DPP9: variants seen among roughly 807,000 people sequenced by gnomAD.
The protein encoded by DPP9 is dipeptidyl peptidase IV-related protein-2.
DPP9 carries 50 observed loss-of-function variants against 110.7 expected under a neutral mutation model. The observed-to-expected ratio is 0.45, with a 90% CI of 0.36 to 0.57. The LOEUF (loss-of-function observed/expected upper bound fraction) is 0.57. Among genes scored for constraint, DPP9 ranks in the 20% least tolerant of loss-of-function variants. The pLI is 0.00. For missense variants in DPP9, 1,022 were observed against 1,217.9 expected, an observed-to-expected ratio of 0.84 and a Z score of 2.39; for synonymous variants, 561 against 514.4, an observed-to-expected ratio of 1.09 and a Z score of -1.23.
Position 4,694,230 on chromosome 19 carries a change from CAGTAA to C in DPP9, c.1516+426_1516+430del. ...GCAAATGTTTCTACAAAGGGCTAGA[CAGTAA>C]ATCTTGGCCTTGCACAACAGTTTCT... On this transcript the variant is annotated intron_variant, in intron 13 of 21. Coordinates refer to ENST00000262960, the MANE Select transcript of DPP9 (RefSeq NM_139159.5). The surrounding 1 kb of genome is among the most constrained non-coding windows in gnomAD (Gnocchi z 4.0). The C allele has an allele frequency of 3.7e-6, 1 of 269,198 alleles. No individual in the cohort carries two copies. The highest frequency in any genetic ancestry group is 7.0e-6 in the Non-Finnish European group (1 of 143,854). The allele number at this position is 269,198 out of a possible 1,614,324, so 16.7% of individuals were successfully genotyped here. A position where few individuals can be genotyped will look rare whatever the true frequency, so the allele number is the denominator to read the frequency against.
At chr19:4,686,123 CT>C (rs34146833) in intron 16 of DPP9, among the ~76,000 whole-genome samples, 48 of 145,102 alleles carry the variant, frequency 3.3e-4, no homozygotes, top group African/African-American at 2.5e-4. Flanking sequence ...TCTTTTTCTT[CT>C]TTTTTTTTTT....
intron 3 of DPP9, among the ~76,000 whole-genome samples, chr19:4,715,187 T>C (rs901202414): frequency 6.6e-6 from 1 of 151,846 alleles, no homozygotes; most frequent in African/African-American, 2.4e-5. Context: ...GCCCAACTAA[T>C]GTTTTTTGTA....
chr19:4,695,456 C>A lies in DPP9; in HGVS notation c.1275G>T (p.Arg425=). The change falls in exon 12 of 22, where the codon CGG becomes CGT. Residue 425 remains arginine (R), a synonymous_variant. Coordinates refer to ENST00000262960, the MANE Select transcript of DPP9 (RefSeq NM_139159.5). The surrounding 1 kb of genome is among the most constrained non-coding windows in gnomAD (Gnocchi z 4.7). The part of the protein sequence containing the change: ...FIPSTENEEQ[R]LASARAVPRN... The stretch of plus-strand genomic sequence containing the variant: ...TGGGGACAGCTCTGGCAGAGGCTAG[C>A]CGCTGCTCCTCATTCTCTGTGCTCG... The A allele has an allele frequency of 6.3e-7, 1 of 1,588,542 alleles. No homozygotes were observed.
At chr19:4,681,216 A>G (rs1378784495) in intron 20 of DPP9, among the ~76,000 whole-genome samples, 2 of 152,194 alleles carry the variant, frequency 1.3e-5, no homozygotes, top group Non-Finnish European at 2.9e-5. Context: ...AAGGAATGGG[A>G]ACAGGGTTTG....
At chr19:4,722,014 G>A (rs549442694) in intron 2 of DPP9, among the ~76,000 whole-genome samples, 20 of 152,274 alleles carry the variant, frequency 1.3e-4, no homozygotes, top group South Asian at 4.1e-4. Context: ...CAGTATCTAC[G>A]CCTGGGGCCA....
intron 3 of DPP9, among the ~76,000 whole-genome samples, chr19:4,717,318 A>G (rs2093126680): frequency 6.6e-6 from 1 of 152,174 alleles, no homozygotes; most frequent in Non-Finnish European, 1.5e-5. Flanking sequence ...GTGGGGAGCC[A>G]CAAGCAGCGT....
Position 4,684,385 on chromosome 19 carries a change from A to C in DPP9, c.2178+278T>G. The C allele has an allele frequency of 4.4e-6, 2 of 457,168 alleles. No homozygotes were observed. The highest frequency in any genetic ancestry group is 2.7e-5 in the South Asian group (1 of 36,458). The allele number at this position is 457,168 out of a possible 1,614,324, so 28.3% of individuals were successfully genotyped here. On this transcript the variant is annotated intron_variant, in intron 18 of 21. Coordinates refer to ENST00000262960, the MANE Select transcript of DPP9 (RefSeq NM_139159.5). The surrounding 1 kb of genome is among the most constrained non-coding windows in gnomAD (Gnocchi z 4.8). Reference sequence around the variant, plus strand: ...CCAGGCTGTGGGGTTTTGTTCCAGCAGTGCAAAGGGGCCGAGATGATCGCC... The same window carrying C: ...CCAGGCTGTGGGGTTTTGTTCCAGCCGTGCAAAGGGGCCGAGATGATCGCC...
intron 5 of DPP9, among the ~76,000 whole-genome samples, chr19:4,705,030 C>G (rs918919691): frequency 1.3e-5 from 2 of 151,950 alleles, no homozygotes; most frequent in Non-Finnish European, 2.9e-5. Context: ...GCAAAATTAC[C>G]CCTACACTCT....
rs2092485866 is a variant in DPP9 at position 4,704,716 on chromosome 19, C to A, written c.427-412G>T. Among the ~76,000 whole-genome samples the A allele has an allele frequency of 6.6e-6, 1 of 152,202 alleles. No individual in the cohort carries two copies. Among genetic ancestry groups the A allele is most frequent in the African/African-American group, 2.4e-5 (1 of 41,438 alleles). On this transcript the variant is annotated intron_variant, in intron 5 of 21. Transcript: ENST00000262960. This position sits in a 1 kb window ranked among gnomAD's most constrained non-coding sequence, Gnocchi z 6.0. Reference sequence around the variant, plus strand: ...CCCACCCTCCTACCCTATTCACAATCCCTTCCCATCAAGAGCTTTCAATTT... The same window carrying A: ...CCCACCCTCCTACCCTATTCACAATACCTTCCCATCAAGAGCTTTCAATTT...
rs2092449727 is a variant in DPP9 at position 4,704,091 on chromosome 19, C to A, written c.601-37G>T. The A allele has an allele frequency of 4.3e-6, 7 of 1,613,424 alleles. No individual in the cohort carries two copies. Among genetic ancestry groups the A allele is most frequent in the Non-Finnish European group, 5.9e-6 (7 of 1,179,624 alleles). On this transcript the variant is annotated intron_variant, in intron 6 of 21. Transcript: ENST00000262960. This position sits in a 1 kb window ranked among gnomAD's most constrained non-coding sequence, Gnocchi z 6.0. ...GACGCCCAGCTCAGGGGGAGGGGCC[C>A]TCCACGCCACCCCCGCACACAGCCA...
intron 7 of DPP9, among the ~76,000 whole-genome samples, chr19:4,703,319 G>A (rs1323005196): frequency 1.3e-5 from 2 of 152,108 alleles, no homozygotes; most frequent in South Asian, 2.1e-4. Context: ...CTGGGCTGAC[G>A]CCTGCAGCAG....
At chr19:4,688,688 T>C (rs1239404952) in intron 16 of DPP9, 69 bp downstream of exon 16, 2 of 1,356,984 alleles carry the variant, frequency 1.5e-6, no homozygotes, top group African/African-American at 1.5e-5. Context: ...TTCCCCAGCA[T>C]GGGGCCCTCG....
chr19:4,711,054 G>T (rs769276918), intron 4 of DPP9, among the ~76,000 whole-genome samples: 16 of 152,182 alleles, frequency 1.1e-4, no homozygotes, highest in Non-Finnish European at 1.6e-4. Flanking sequence ...TCTGCTGGTG[G>T]CTAGAACCTG....
chr19:4,683,221 C>T, intron 19 of DPP9: 1 of 1,429,372 alleles, frequency 7.0e-7, no homozygotes, highest in Non-Finnish European at 9.1e-7. Context: ...GTCCCGGGCT[C>T]AGCCTCCCAC....
chr19:4,714,479 G>A (rs2145915646), intron 3 of DPP9, 142 bp from the exon 4 acceptor site: 3 of 1,123,124 alleles, frequency 2.7e-6, no homozygotes, highest in Non-Finnish European at 3.7e-6. Context: ...ACACTTCTTG[G>A]GTTGGTCTAC....
chr19:4,709,121 T>G (rs960251975), intron 4 of DPP9, among the ~76,000 whole-genome samples: 1 of 152,112 alleles, frequency 6.6e-6, no homozygotes, highest in Admixed American at 6.6e-5. Flanking sequence ...GGTTTCACTA[T>G]GTTAGCCAGA....
chr19:4,688,596 G>T, intron 16 of DPP9, 161 bp downstream of exon 16: 1 of 935,822 alleles, frequency 1.1e-6, no homozygotes, highest in Non-Finnish European at 1.4e-6. Flanking sequence ...TGTGGCTTAT[G>T]TCCTATGACG....
chr19:4,680,908 G>A (rs190518936), intron 20 of DPP9, among the ~76,000 whole-genome samples: 126 of 152,274 alleles, frequency 8.3e-4, no homozygotes, highest in African/African-American at 3.0e-3. Context: ...AGTGAGCTGA[G>A]ATTAAGCCAC....
chr19:4,693,072 G>C lies in DPP9; in HGVS notation c.1516+1589C>G, dbSNP rs1339751095. 6.6e-6 allele frequency among the ~76,000 whole-genome samples: 1 copy of C among 152,180 alleles called. No individual in the cohort carries two copies. The highest frequency in any genetic ancestry group is 2.1e-4 in the South Asian group (1 of 4,832). The stretch of plus-strand genomic sequence containing the variant: ...GGGGGACGCCTTGGCTGCTGTGTGG[G>C]CTCTGCCCCCAGAGGGCACCGGACC... On this transcript the variant is annotated intron_variant, in intron 13 of 21. Coordinates refer to ENST00000262960, the MANE Select transcript of DPP9 (RefSeq NM_139159.5). This position sits in a 1 kb window ranked among gnomAD's most constrained non-coding sequence, Gnocchi z 5.0.
Sources: gnomAD v4.1 joint callset for allele counts (sites outside exome capture counted in the v4.1 genomes callset) on GRCh38, gnomAD v4.1.1 for gene constraint, Gnocchi (gnomAD v3.1) non-coding constraint, MANE v1.5 for transcripts, NCBI Gene and HGNC (gene_info 2026-07-23, HGNC 2026-07-21) for gene names.